PPP2R3A: variants seen among roughly 807,000 people sequenced by gnomAD.
The protein encoded by PPP2R3A is serine/threonine-protein phosphatase 2A regulatory subunit B'' subunit alpha.
A neutral mutation model predicts 106.9 loss-of-function variants in PPP2R3A; 80 were observed. That is an observed-to-expected ratio of 0.75 (90% CI 0.62 to 0.90). PPP2R3A has a LOEUF of 0.90. Ranked by LOEUF, PPP2R3A falls within the 40% of genes least tolerant of loss-of-function variation. The probability of loss-of-function intolerance (pLI) is 0.00; values close to 1 mark genes in which losing one functional copy is unlikely to be tolerated. For synonymous variants in PPP2R3A, 483 were observed against 468.3 expected (o/e 1.03, Z -0.41); for missense variants, 1,386 against 1,350.4 (o/e 1.03, Z -0.41).
Position 136,145,151 on chromosome 3 carries a change from A to G in PPP2R3A, c.3438A>G (p.Ser1146=). 6.2e-7 allele frequency: 1 copy of G among 1,610,196 alleles called. No homozygotes were observed. Among genetic ancestry groups the G allele is most frequent in the African/African-American group, 1.3e-5 (1 of 74,822 alleles). ...CAGAGAAATGTGGAAAGCTTCAATC[A>G]GTGGATGAAGAATAGCTGCCGGTGT... ...SLPEKCGKLQ[S]VDEE The change falls in exon 14 of 14, where the codon TCA becomes TCG. Residue 1146 remains serine (S), a synonymous_variant. Transcript: ENST00000264977.
intron 1 of PPP2R3A, among the ~76,000 whole-genome samples, chr3:135,972,360 T>C (rs1366592675): frequency 6.6e-6 from 1 of 152,228 alleles, no homozygotes; most frequent in Non-Finnish European, 1.5e-5. Context: ...TACGTTTTGT[T>C]TATCAGTTGA....
intron 1 of PPP2R3A, among the ~76,000 whole-genome samples, chr3:135,998,279 C>T (rs982415745): frequency 1.3e-5 from 2 of 152,194 alleles, no homozygotes; most frequent in African/African-American, 4.8e-5. Context: ...GTACCTACAT[C>T]GCTATATTTC....
intron 10 of PPP2R3A, among the ~76,000 whole-genome samples, chr3:136,097,439 T>C (rs550453883): frequency 6.6e-6 from 1 of 152,368 alleles, no homozygotes; most frequent in Non-Finnish European, 1.5e-5. Context: ...CTTTCAGATA[T>C]TTAAAAGCAG....
intron 5 of PPP2R3A, among the ~76,000 whole-genome samples, chr3:136,058,072 C>CA (rs1935937986): frequency 6.6e-6 from 1 of 151,954 alleles, no homozygotes; most frequent in South Asian, 2.1e-4. Flanking sequence ...GGAGGCATAA[C>CA]AAAAATGTGA....
intron 2 of PPP2R3A, among the ~76,000 whole-genome samples, chr3:136,006,825 A>G (rs1469777706): frequency 6.6e-6 from 1 of 152,246 alleles, no homozygotes; most frequent in Non-Finnish European, 1.5e-5. Flanking sequence ...AAGCTCTGTA[A>G]TAGTTTTATC....
intron 13 of PPP2R3A, among the ~76,000 whole-genome samples, chr3:136,107,982 G>A (rs1937543365): frequency 6.6e-6 from 1 of 152,168 alleles, no homozygotes; most frequent in African/African-American, 2.4e-5. Flanking sequence ...GGAGGCTGAG[G>A]CAAACAGATC....
chr3:135,992,481 A>G (rs1933215825), intron 1 of PPP2R3A, among the ~76,000 whole-genome samples: 1 of 152,130 alleles, frequency 6.6e-6, no homozygotes, highest in African/African-American at 2.4e-5. Context: ...TCTTTACCTC[A>G]TACTCTGCTC....
intron 5 of PPP2R3A, among the ~76,000 whole-genome samples, chr3:136,058,006 A>G (rs1352648808): frequency 6.6e-6 from 1 of 152,222 alleles, no homozygotes; most frequent in Non-Finnish European, 1.5e-5. Flanking sequence ...TGCCAGGTTC[A>G]TTGCAGCATT....
chr3:136,065,727 A>G (rs982236304), intron 5 of PPP2R3A, among the ~76,000 whole-genome samples: 4 of 152,218 alleles, frequency 2.6e-5, no homozygotes, highest in African/African-American at 9.6e-5. Flanking sequence ...CCCAGCTGGA[A>G]TGCAGTGGCA....
At chr3:136,060,194 A>G (rs1936027941) in intron 5 of PPP2R3A, among the ~76,000 whole-genome samples, 1 of 152,238 alleles carries the variant, frequency 6.6e-6, no homozygotes, top group African/African-American at 2.4e-5. Flanking sequence ...TAAACAAAGA[A>G]GGAAACTCTG....
At chr3:136,116,696 C>T (rs535036968) in intron 13 of PPP2R3A, among the ~76,000 whole-genome samples, 8 of 152,170 alleles carry the variant, frequency 5.3e-5, no homozygotes, top group Admixed American at 2.0e-4. Flanking sequence ...AGCTGACTGT[C>T]GTAAATATAT....
Position 136,090,677 on chromosome 3 carries a change from C to A in PPP2R3A, c.2927+10C>A, listed in dbSNP as rs747190269. The A allele has an allele frequency of 8.5e-5, 136 of 1,604,666 alleles. No homozygotes were observed. Among genetic ancestry groups the A allele is most frequent in the Non-Finnish European group, 1.1e-4 (133 of 1,172,328 alleles). ...AAAGGAATCCTACCAGGTATGATTT[C>A]TAAGTTTCCTTTGCCAAGATGTTAA... On this transcript the variant is annotated intron_variant, in intron 10 of 13. Transcript: ENST00000264977.
At chr3:136,068,667 T>A (rs1341576200) in intron 5 of PPP2R3A, among the ~76,000 whole-genome samples, 1 of 152,226 alleles carries the variant, frequency 6.6e-6, no homozygotes, top group Admixed American at 6.5e-5. Context: ...TAACAATAGA[T>A]GCTAAAATGA....
chr3:135,982,260 T>A (rs1251126260), intron 1 of PPP2R3A, among the ~76,000 whole-genome samples: 1 of 149,012 alleles, frequency 6.7e-6, no homozygotes, highest in Non-Finnish European at 1.5e-5. Flanking sequence ...TGTTTCACAA[T>A]AATGTACTCC....
chr3:136,136,214 T>A (rs1938618754), intron 13 of PPP2R3A, among the ~76,000 whole-genome samples: 2 of 151,700 alleles, frequency 1.3e-5, no homozygotes, highest in African/African-American at 4.9e-5. Context: ...TCTATAAAAA[T>A]AAGGGTACGA....
At chr3:136,017,383 CTG>C (rs1934315178) in intron 2 of PPP2R3A, among the ~76,000 whole-genome samples, 1 of 152,212 alleles carries the variant, frequency 6.6e-6, no homozygotes, top group African/African-American at 2.4e-5. Context: ...ATTATTCACT[CTG>C]TTATTACCTT....
Position 136,066,961 on chromosome 3 carries a change from A to G in PPP2R3A, c.2470-3517A>G, listed in dbSNP as rs184926075. On this transcript the variant is annotated intron_variant, in intron 5 of 13. Transcript: ENST00000264977. The stretch of plus-strand genomic sequence containing the variant: ...ACTTTCTTAACATGATGAAATACAT[A>G]TACCTTAGTGTTAAAGCCAATATCT... Among the ~76,000 whole-genome samples, 44 of 152,348 alleles carry G rather than the reference A, an allele frequency of 2.9e-4. 1 individual carries two copies. The highest frequency in any genetic ancestry group is 9.6e-4 in the African/African-American group (40 of 41,572).
chr3:136,071,256 G>T (rs192841431), intron 6 of PPP2R3A, among the ~76,000 whole-genome samples: 2 of 152,318 alleles, frequency 1.3e-5, no homozygotes, highest in Admixed American at 6.5e-5. Context: ...GCTAAACAGG[G>T]CCGTCTCCTC....
intron 6 of PPP2R3A, among the ~76,000 whole-genome samples, chr3:136,077,140 G>A (rs1015947909): frequency 6.6e-6 from 1 of 152,072 alleles, no homozygotes; most frequent in East Asian, 1.9e-4. Context: ...CCTGTCCTGG[G>A]GCCTCCCATG....
Sources: allele counts gnomAD v4.1 joint callset (sites outside exome capture counted in the v4.1 genomes callset), GRCh38; gene constraint gnomAD v4.1.1; transcripts MANE v1.5; gene names NCBI Gene and HGNC (gene_info 2026-07-23, HGNC 2026-07-21).